The following YAE1 variants were observed in gnomAD, a reference collection of about 807,000 sequenced individuals.
The protein encoded by YAE1 is YAE1 maturation factor of ABCE1.
A neutral mutation model predicts 23.0 loss-of-function variants in YAE1; 22 were observed. The ratio of observed to expected loss-of-function variants is 0.96; its 90% CI spans 0.68 to 1.37. The LOEUF is 1.37. YAE1 is among the 40% of genes most tolerant of loss of function. The probability of loss-of-function intolerance (pLI) is 0.00; values close to 1 mark genes in which losing one functional copy is unlikely to be tolerated. For missense variants in YAE1, 260 were observed against 262.1 expected, an observed-to-expected ratio of 0.99 and a Z score of 0.06; for synonymous variants, 101 against 97.0, an observed-to-expected ratio of 1.04 and a Z score of -0.24.
At chr7:39,586,399 C>T (rs1277224214) in intron 2 of YAE1, among the ~76,000 whole-genome samples, 1 of 150,846 alleles carries the variant, frequency 6.6e-6, no homozygotes, top group Non-Finnish European at 1.5e-5. Flanking sequence ...GTCTCAATCT[C>T]CTGACCTGGT....
intron 2 of YAE1, among the ~76,000 whole-genome samples, chr7:39,571,915 AC>A (rs750227770): frequency 2.0e-5 from 3 of 152,008 alleles, no homozygotes; most frequent in Non-Finnish European, 4.4e-5. Context: ...AAAAAAAGAT[AC>A]CCCCTGAGAT....
intron 2 of YAE1, among the ~76,000 whole-genome samples, chr7:39,609,119 T>C (rs1791169187): frequency 6.6e-6 from 1 of 152,170 alleles, no homozygotes; most frequent in African/African-American, 2.4e-5. Context: ...TAATGTGCTA[T>C]CCAAGAAAGC....
intron 2 of YAE1, among the ~76,000 whole-genome samples, chr7:39,592,170 A>G (rs1392745984): frequency 6.6e-6 from 1 of 152,218 alleles, no homozygotes; most frequent in Non-Finnish European, 1.5e-5. Flanking sequence ...GCATGAACAT[A>G]GTTTTCAACT....
chr7:39,606,558 G>A (rs1467476548), intron 2 of YAE1, among the ~76,000 whole-genome samples: 1 of 152,174 alleles, frequency 6.6e-6, no homozygotes, highest in East Asian at 1.9e-4. Context: ...GATGACTTCT[G>A]CTGAGCATGG....
Position 39,572,357 on chromosome 7 carries a change from G to T in YAE1, c.332G>T (p.Gly111Val), listed in dbSNP as rs772349599. The part of the protein sequence containing the change: ...NKINNLLDAV[G>V]QCEEYVLKHL... ...ATAAACAATCTTCTGGATGCAGTTGGCCAGTGTGAAGAGTATGTGCTCAAA... is the reference window on the plus strand; with the variant it reads ...ATAAACAATCTTCTGGATGCAGTTGTCCAGTGTGAAGAGTATGTGCTCAAA... Residue 111 changes from glycine (G) to valine (V), a missense_variant, in exon 3 of 3, where the codon GGC becomes GTC. Coordinates refer to ENST00000223273, the MANE Select transcript of YAE1 (RefSeq NM_020192.5). The T allele has an allele frequency of 1.7e-5, 28 of 1,614,036 alleles. No homozygotes were observed. Among genetic ancestry groups the T allele is most frequent in the Non-Finnish European group, 2.3e-5 (27 of 1,179,970 alleles).
At chr7:39,610,677 T>A (rs1393085343), downstream of YAE1, among the ~76,000 whole-genome samples, 2 of 152,224 alleles carry the variant, frequency 1.3e-5, no homozygotes, top group Non-Finnish European at 1.5e-5. Context: ...TGCAAATTTT[T>A]TTGATCTTGG....
chr7:39,594,575 T>C (rs2115828517), intron 2 of YAE1, among the ~76,000 whole-genome samples: 1 of 152,208 alleles, frequency 6.6e-6, no homozygotes, highest in South Asian at 2.1e-4. Flanking sequence ...GTCTGATACA[T>C]GCTACTCTCC....
intron 2 of YAE1, among the ~76,000 whole-genome samples, chr7:39,580,013 C>G (rs1790718171): frequency 6.6e-6 from 1 of 152,104 alleles, no homozygotes; most frequent in Non-Finnish European, 1.5e-5. Flanking sequence ...CCACTGCACT[C>G]TAGCCTAGGC....
rs367900081 is a variant in YAE1 at position 39,569,068 on chromosome 7, A to G, written c.130-1438A>G. 7.2e-5 allele frequency among the ~76,000 whole-genome samples: 11 copies of G among 152,344 alleles called. No individual in the cohort carries two copies. In the East Asian group the frequency reaches 1.9e-3, roughly 27 times the overall value. ...ATCTTAAGTACCCCAATAATGCAAT[A>G]CTGGGGAAATGTAAATTTTCAAAAC... On this transcript the variant is annotated intron_variant, in intron 1 of 2. Coordinates refer to ENST00000223273, the MANE Select transcript of YAE1 (RefSeq NM_020192.5).
chr7:39,569,196 T>C (rs977150967), intron 1 of YAE1, among the ~76,000 whole-genome samples: 8 of 152,196 alleles, frequency 5.3e-5, no homozygotes, highest in Non-Finnish European at 1.0e-4. Flanking sequence ...ATACTGTCCT[T>C]AAATCATATT....
At chr7:39,594,876 G>A (rs1341533681) in intron 2 of YAE1, among the ~76,000 whole-genome samples, 1 of 152,164 alleles carries the variant, frequency 6.6e-6, no homozygotes, top group African/African-American at 2.4e-5. Flanking sequence ...GATTACAGGT[G>A]TCAGCCACCG....
At chr7:39,589,405 C>A (rs1311719544) in intron 2 of YAE1, among the ~76,000 whole-genome samples, 1 of 151,820 alleles carries the variant, frequency 6.6e-6, no homozygotes, top group African/African-American at 2.4e-5. Context: ...GTAGCTGGGA[C>A]TACAGGCATG....
chr7:39,600,752 G>A (rs540820658), intron 2 of YAE1, among the ~76,000 whole-genome samples: 7 of 152,136 alleles, frequency 4.6e-5, no homozygotes, highest in South Asian at 2.1e-4. Context: ...TAGGGAGAAC[G>A]CCACGTGAAG....
chr7:39,575,554 G>C (rs1423502994), downstream of YAE1, among the ~76,000 whole-genome samples: 1 of 127,844 alleles, frequency 7.8e-6, no homozygotes, highest in Non-Finnish European at 1.6e-5. Flanking sequence ...GAGAGAGAGA[G>C]AGAGAGAGAG....
chr7:39,606,046 A>ATT (rs200478681), intron 2 of YAE1, among the ~76,000 whole-genome samples: 1 of 146,590 alleles, frequency 6.8e-6, no homozygotes. Context: ...ATGGTAAACA[A>ATT]TTTTTTTTTT....
At chr7:39,568,757 C>T (rs1445576434) in intron 1 of YAE1, among the ~76,000 whole-genome samples, 3 of 152,084 alleles carry the variant, frequency 2.0e-5, no homozygotes, top group Admixed American at 2.0e-4. Context: ...TTATTGGAAT[C>T]GAGAGAATAC....
At chr7:39,578,618 C>T (rs535950362) in intron 2 of YAE1, among the ~76,000 whole-genome samples, 38 of 152,206 alleles carry the variant, frequency 2.5e-4, no homozygotes, top group African/African-American at 8.4e-4. Context: ...ACACTCACCG[C>T]GAAGGTCTGT....
rs1186885596 is a variant in YAE1, at chr7:39,570,569, G to A, written c.193G>A (p.Gly65Ser). Residue 65 changes from glycine (G) to serine (S), a missense_variant, in exon 2 of 3, where the codon GGT becomes AGT. By Grantham distance (56) the Gly-to-Ser change is moderately conservative (BLOSUM62 0). Coordinates refer to ENST00000223273, the MANE Select transcript of YAE1 (RefSeq NM_020192.5). The part of the protein sequence containing the change: ...AVTLQQGFNQ[G>S]YKKGAEVILN... Reference sequence around the variant, plus strand: ...TACTCTTCAACAGGGCTTCAATCAAGGTTATAAGAAAGGTGCAGAAGTCAT... The same window carrying A: ...TACTCTTCAACAGGGCTTCAATCAAAGTTATAAGAAAGGTGCAGAAGTCAT... 5 of 1,611,084 alleles carry A rather than the reference G, an allele frequency of 3.1e-6. No homozygotes were observed. The highest frequency in any genetic ancestry group is 4.2e-6 in the Non-Finnish European group (5 of 1,179,530).
chr7:39,604,702 C>A (rs954535963), intron 2 of YAE1, among the ~76,000 whole-genome samples: 7 of 152,224 alleles, frequency 4.6e-5, no homozygotes, highest in African/African-American at 1.7e-4. Context: ...AAACTTCTTT[C>A]TTTATATGAA....
Sources: gnomAD v4.1 joint callset for allele counts (sites outside exome capture counted in the v4.1 genomes callset) on GRCh38, gnomAD v4.1.1 for gene constraint, MANE v1.5 for transcripts, NCBI Gene and HGNC (gene_info 2026-07-23, HGNC 2026-07-21) for gene names.